Variants in RHOBTB3 observed in about 807,000 individuals in gnomAD.
RHOBTB3 encodes the protein Rho related BTB domain containing 3, also known as rho-related BTB domain-containing protein 3.
RHOBTB3 carries 47 observed loss-of-function variants against 67.2 expected under a neutral mutation model. The observed-to-expected ratio is 0.70, with a 90% confidence interval of 0.55 to 0.89. The LOEUF is 0.89. Among genes scored for constraint, RHOBTB3 ranks in the 40% least tolerant of loss-of-function variants. The probability of loss-of-function intolerance (pLI) is 0.00; values close to 1 mark genes in which losing one functional copy is unlikely to be tolerated. For synonymous variants in RHOBTB3, 273 were observed against 274.2 expected (o/e 1.00, Z 0.04); for missense variants, 631 against 750.0 (o/e 0.84, Z 1.85).
chr5:95,760,303 A>C (rs1745361992), intron 6 of RHOBTB3, among the ~76,000 whole-genome samples: 1 of 152,186 alleles, frequency 6.6e-6, no homozygotes, highest in African/African-American at 2.4e-5. Context: ...TCAGGGAGTA[A>C]TTCTTACATG....
rs1429605315 is a variant in RHOBTB3 at position 95,793,240 on chromosome 5, A to G, written c.*66A>G. The stretch of plus-strand genomic sequence containing the variant: ...GAAGAATGGGATACCTCCAGGTTCC[A>G]GTAAAATTCTTCTGACCGAAACCAA... On this transcript the variant is annotated 3_prime_UTR_variant, in exon 12 of 12. Coordinates refer to ENST00000379982, the MANE Select transcript of RHOBTB3 (RefSeq NM_014899.4). 9.3e-7 allele frequency: 1 copy of G among 1,076,518 alleles called. No homozygotes were observed. The highest frequency in any genetic ancestry group is 1.6e-5 in the African/African-American group (1 of 61,636). The allele number at this position is 1,076,518 out of a possible 1,614,324, so 66.7% of individuals were successfully genotyped here. A position where few individuals can be genotyped will look rare whatever the true frequency, so the allele number is the denominator to read the frequency against.
At chr5:95,728,098 A>G (rs1755111435), upstream of RHOBTB3, among the ~76,000 whole-genome samples, 1 of 152,234 alleles carries the variant, frequency 6.6e-6, no homozygotes, top group Non-Finnish European at 1.5e-5. Flanking sequence ...ATGTGGCCCT[A>G]CCTATATGCA....
chr5:95,725,648 C>A (rs1429291250), intron 1 of RHOBTB3, among the ~76,000 whole-genome samples: 1 of 152,206 alleles, frequency 6.6e-6, no homozygotes, highest in African/African-American at 2.4e-5. Flanking sequence ...TTTCAAGCTG[C>A]TATAAAATTC....
At chr5:95,779,957 A>G in intron 8 of RHOBTB3, 1 of 357,000 alleles carries the variant, frequency 2.8e-6, no homozygotes, top group Non-Finnish European at 5.1e-6. Flanking sequence ...TCATTATAAA[A>G]ATATGAAGCA....
In RHOBTB3 at chr5:95,779,274, C is replaced by T. The variant is rs140207400; in HGVS notation, c.1283-978C>T. On this transcript the variant is annotated intron_variant, in intron 8 of 11. Transcript: ENST00000379982. Reference sequence around the variant, plus strand: ...CTCACACTGGCTGTGGTGTCTTCTACGAAAGTAAAAACTGCTCCAAAGCAG... The same window carrying T: ...CTCACACTGGCTGTGGTGTCTTCTATGAAAGTAAAAACTGCTCCAAAGCAG... Among the ~76,000 whole-genome samples, 72 of 152,246 alleles carry T rather than the reference C, an allele frequency of 4.7e-4. No individual in the cohort carries two copies. In the Middle Eastern group the frequency reaches 0.014, roughly 29 times the overall value.
intron 3 of RHOBTB3, among the ~76,000 whole-genome samples, chr5:95,740,598 G>A (rs1007667859): frequency 1.3e-5 from 2 of 152,226 alleles, no homozygotes; most frequent in Non-Finnish European, 1.5e-5. Flanking sequence ...CTGGGGCTTG[G>A]AAAGGATCCA....
chr5:95,731,113 G>A (rs770010181), upstream of RHOBTB3: 371 of 1,083,720 alleles, frequency 3.4e-4, 1 homozygote, highest in African/African-American at 5.6e-3. Flanking sequence ...GGGCTGGGGC[G>A]TTGTATTTAT....
At chr5:95,725,938 T>C (rs1755042100), upstream of RHOBTB3, among the ~76,000 whole-genome samples, 2 of 152,196 alleles carry the variant, frequency 1.3e-5, no homozygotes, top group African/African-American at 4.8e-5. Context: ...TCAAAAGATG[T>C]AGAAGAGAAA....
chr5:95,759,388 C>T (rs531663826), intron 6 of RHOBTB3, among the ~76,000 whole-genome samples: 1 of 152,336 alleles, frequency 6.6e-6, no homozygotes, highest in Admixed American at 6.5e-5. Context: ...AGATTACAAC[C>T]TCTGGCTCAA....
At chr5:95,786,498 A>T (rs1159643132) in intron 10 of RHOBTB3, among the ~76,000 whole-genome samples, 1 of 152,078 alleles carries the variant, frequency 6.6e-6, no homozygotes, top group East Asian at 1.9e-4. Flanking sequence ...ATCAAGGAGG[A>T]CTCTTAAAAT....
At position 95,780,236 on chromosome 5, in the gene RHOBTB3, C is replaced by G. The variant is rs373512689; in HGVS notation, c.1283-16C>G. The G allele has an allele frequency of 1.2e-5, 20 of 1,610,624 alleles. No homozygotes were observed. In the African/African-American group the frequency reaches 2.4e-4, roughly 19 times the overall value. On this transcript the variant is annotated splice_polypyrimidine_tract_variant and intron_variant, in intron 8 of 11. Coordinates refer to ENST00000379982, the MANE Select transcript of RHOBTB3 (RefSeq NM_014899.4). ...TTTATCTCACTTGTTTCTTGTTTCC[C>G]TTTTGAACCTTTCAGGTACGACAGT...
intron 3 of RHOBTB3, 114 bp downstream of exon 3, chr5:95,737,189 T>A: frequency 1.5e-6 from 1 of 646,128 alleles, no homozygotes; most frequent in Non-Finnish European, 2.6e-6. Flanking sequence ...AAAATGACTT[T>A]GGTTCAATGC....
At chr5:95,724,538 G>C (rs1754992465) in intron 1 of RHOBTB3, among the ~76,000 whole-genome samples, 1 of 152,166 alleles carries the variant, frequency 6.6e-6, no homozygotes, top group African/African-American at 2.4e-5. Context: ...TAAGGGCACA[G>C]ACCCTGGGGC....
upstream of RHOBTB3, among the ~76,000 whole-genome samples, chr5:95,728,784 A>T (rs186322956): frequency 6.6e-6 from 1 of 152,232 alleles, no homozygotes; most frequent in Non-Finnish European, 1.5e-5. Context: ...ATAGGAGGTC[A>T]GCACAGGATA....
At position 95,731,421 on chromosome 5, in the gene RHOBTB3, C is replaced by G. The variant is rs1439321181; in HGVS notation, c.-262C>G. 4.2e-6 allele frequency: 5 copies of G among 1,193,364 alleles called. No homozygotes were observed. Among genetic ancestry groups the G allele is most frequent in the Non-Finnish European group, 5.2e-6 (5 of 966,184 alleles). 73.9% of individuals were successfully genotyped at this position (1,193,364 alleles called of 1,614,324 possible). A position where few individuals can be genotyped will look rare whatever the true frequency, so the allele number is the denominator to read the frequency against. On this transcript the variant is annotated 5_prime_UTR_variant, in exon 1 of 12. Coordinates refer to ENST00000379982, the MANE Select transcript of RHOBTB3 (RefSeq NM_014899.4). ...CGTCCACTTGGGGCTGTGCGGCGGT[C>G]CCGCGCCCGGCGATGTTCCCGGGCA... is the stretch of plus-strand genomic sequence containing the variant.
intron 1 of RHOBTB3, among the ~76,000 whole-genome samples, chr5:95,724,710 C>T (rs1580383165): frequency 6.6e-6 from 1 of 152,184 alleles, no homozygotes; most frequent in Admixed American, 6.5e-5. Flanking sequence ...AGGTAATCCA[C>T]AAGTTTCTTG....
intron 6 of RHOBTB3, 77 bp from the exon 7 acceptor site, chr5:95,763,431 T>C (rs1745447031): frequency 6.1e-6 from 5 of 822,444 alleles, no homozygotes; most frequent in Non-Finnish European, 1.0e-5. Context: ...AAAGGGAATG[T>C]TGTATTTAAT....
At chr5:95,729,050 C>T (rs1445063032), upstream of RHOBTB3, among the ~76,000 whole-genome samples, 1 of 152,164 alleles carries the variant, frequency 6.6e-6, no homozygotes, top group Non-Finnish European at 1.5e-5. Context: ...CCACCCTTTC[C>T]AGAAAAACTC....
chr5:95,765,792 G>T (rs1246158676), intron 7 of RHOBTB3, among the ~76,000 whole-genome samples: 1 of 152,186 alleles, frequency 6.6e-6, no homozygotes, highest in African/African-American at 2.4e-5. Flanking sequence ...CTCCCGAGTA[G>T]TTGGGACTAC....
Sources: gnomAD v4.1 joint callset for allele counts (sites outside exome capture counted in the v4.1 genomes callset) on GRCh38, gnomAD v4.1.1 for gene constraint, MANE v1.5 for transcripts, NCBI Gene and HGNC (gene_info 2026-07-23, HGNC 2026-07-21) for gene names.